The following CHST3 variants were observed in gnomAD, a reference collection of about 807,000 sequenced individuals.
CHST3 encodes the protein carbohydrate sulfotransferase 3.
CHST3 carries 20 observed loss-of-function variants against 35.4 expected under a neutral mutation model. The observed-to-expected ratio is 0.57, with a 90% CI of 0.40 to 0.82. The LOEUF (loss-of-function observed/expected upper bound fraction) is 0.82, where lower values mean the gene tolerates loss of function less well. CHST3 is among the 40% of genes least tolerant of loss of function. The probability of loss-of-function intolerance (pLI) is 0.00; values close to 1 mark genes in which losing one functional copy is unlikely to be tolerated. For missense variants in CHST3, 693 were observed against 670.1 expected, an observed-to-expected ratio of 1.03 and a Z score of -0.38; for synonymous variants, 334 against 295.9, an observed-to-expected ratio of 1.13 and a Z score of -1.32.
chr10:71,971,705 T>G (rs1175624946), intron 1 of CHST3, among the ~76,000 whole-genome samples: 1 of 152,216 alleles, frequency 6.6e-6, no homozygotes, highest in African/African-American at 2.4e-5. Context: ...GTGACTACAC[T>G]GATTTTCAGC....
intron 1 of CHST3, among the ~76,000 whole-genome samples, chr10:71,968,057 C>G (rs1161833843): frequency 6.6e-6 from 1 of 151,428 alleles, no homozygotes; most frequent in African/African-American, 2.4e-5. Flanking sequence ...ACCTCGTGAT[C>G]TGCTCACCTC....
Position 72,007,535 on chromosome 10 carries a change from C to A in CHST3, c.504C>A (p.Ile168=), listed in dbSNP as rs370284531. 1.9e-6 allele frequency: 3 copies of A among 1,604,986 alleles called. No individual in the cohort carries two copies. In the South Asian group the frequency reaches 3.3e-5, roughly 18 times the overall value. Residue 168 remains isoleucine, a synonymous_variant, in exon 3 of 3, where the codon ATC becomes ATA. Transcript: ENST00000373115. ...ACCTCTTCGAGCCGCTGTGGCACAT[C>A]GAGCGCACAGTGTCCTTCGAGCCGG... ...IFYLFEPLWH[I]ERTVSFEPGG... is the part of the protein sequence containing the mutation.
intron 1 of CHST3, among the ~76,000 whole-genome samples, chr10:71,977,660 CTTGA>C (rs1443994318): frequency 2.3e-5 from 3 of 128,720 alleles, no homozygotes; most frequent in Non-Finnish European, 5.6e-5. Context: ...CAGGCTGGAG[CTTGA>C]TTGTTTGTTT....
chr10:71,971,236 G>T (rs545177206), intron 1 of CHST3, among the ~76,000 whole-genome samples: 1 of 152,192 alleles, frequency 6.6e-6, no homozygotes, highest in African/African-American at 2.4e-5. Flanking sequence ...GGGGAGTGGG[G>T]CACTGCTGGA....
At chr10:71,965,626 C>G (rs539341765) in intron 1 of CHST3, among the ~76,000 whole-genome samples, 2 of 152,314 alleles carry the variant, frequency 1.3e-5, no homozygotes, top group East Asian at 3.9e-4. Context: ...CGTGGTGTTG[C>G]TGGGCCCCAG....
intron 1 of CHST3, among the ~76,000 whole-genome samples, chr10:71,995,884 GACACAGAGAC>G (rs1839934117): frequency 6.6e-6 from 1 of 152,092 alleles, no homozygotes; most frequent in Admixed American, 6.5e-5. Context: ...ACCAAAATGT[GACACAGAGAC>G]ACACAGAGAG....
intron 1 of CHST3, among the ~76,000 whole-genome samples, chr10:71,981,033 GTTC>G (rs145549742): frequency 0.01 from 1,594 of 152,264 alleles, 19 homozygotes; most frequent in African/African-American, 0.037. Context: ...TGAAAACACT[GTTC>G]TTCTAAAGGC....
chr10:71,998,771 C>T (rs1479544103), intron 1 of CHST3, among the ~76,000 whole-genome samples: 1 of 152,256 alleles, frequency 6.6e-6, no homozygotes, highest in East Asian at 1.9e-4. Flanking sequence ...TCTACTCAGT[C>T]TTGGCAGCAG....
chr10:71,991,603 C>G (rs942403252), intron 1 of CHST3, among the ~76,000 whole-genome samples: 21 of 152,162 alleles, frequency 1.4e-4, no homozygotes, highest in African/African-American at 4.1e-4. Flanking sequence ...TAAAGCAAAT[C>G]ACACAAATTT....
In CHST3 at chr10:72,007,532, C is replaced by G. The variant is rs760637097; in HGVS notation, c.501C>G (p.His167Gln). 1 of 1,604,836 alleles carries G rather than the reference C, an allele frequency of 6.2e-7. No individual in the cohort carries two copies. Among genetic ancestry groups the G allele is most frequent in the South Asian group, 1.1e-5 (1 of 91,040 alleles). ...NIFYLFEPLW[H>Q]IERTVSFEPG... ...TCTACCTCTTCGAGCCGCTGTGGCA[C>G]ATCGAGCGCACAGTGTCCTTCGAGC... Residue 167 changes from histidine to glutamine, a missense_variant, in exon 3 of 3, where the codon CAC becomes CAG. Physicochemically the swap from His to Gln is conservative, Grantham distance 24 (BLOSUM62 0). Transcript: ENST00000373115.
At position 72,012,846 on chromosome 10, in the gene CHST3, G is replaced by C. The variant is rs1221449459; in HGVS notation, c.*4375G>C. On this transcript the variant is annotated 3_prime_UTR_variant, in exon 3 of 3. Transcript: ENST00000373115. ...CACCTGTCAACTCGCTGCAGTTTCA[G>C]AGACAGTGGAAGCTGCTCTTTACCT... 1 of 152,274 alleles carries C rather than the reference G, an allele frequency of 6.6e-6. No homozygotes were observed. Among genetic ancestry groups the C allele is most frequent in the Non-Finnish European group, 1.5e-5 (1 of 68,054 alleles). The allele number at this position is 152,274 out of a possible 1,614,324, so 9.4% of individuals were successfully genotyped here.
At chr10:71,990,486 C>T (rs1839887979) in intron 1 of CHST3, among the ~76,000 whole-genome samples, 1 of 152,198 alleles carries the variant, frequency 6.6e-6, no homozygotes. Context: ...GCCTCAGCCT[C>T]CTGAGTAGCT....
chr10:71,990,054 G>C (rs893000842), intron 1 of CHST3, among the ~76,000 whole-genome samples: 8 of 152,092 alleles, frequency 5.3e-5, no homozygotes, highest in African/African-American at 1.7e-4. Context: ...AATTATAATC[G>C]ATTTATTGTT....
chr10:71,972,491 C>T (rs2131738725), intron 1 of CHST3, among the ~76,000 whole-genome samples: 1 of 152,304 alleles, frequency 6.6e-6, no homozygotes, highest in Admixed American at 6.5e-5. Flanking sequence ...GATCCTGCCT[C>T]AGGGTCTTTT....
At chr10:71,986,417 A>G (rs901565051) in intron 1 of CHST3, among the ~76,000 whole-genome samples, 2 of 152,226 alleles carry the variant, frequency 1.3e-5, no homozygotes, top group Non-Finnish European at 2.9e-5. Context: ...CCAGTCCTCT[A>G]AAACAGCCGC....
chr10:71,973,900 G>T (rs1336119921), intron 1 of CHST3, among the ~76,000 whole-genome samples: 1 of 152,316 alleles, frequency 6.6e-6, no homozygotes, highest in East Asian at 1.9e-4. Flanking sequence ...AAATGTATAG[G>T]ATACACGAGG....
intron 1 of CHST3, among the ~76,000 whole-genome samples, chr10:72,002,380 G>A (rs1840002437): frequency 6.6e-6 from 1 of 152,188 alleles, no homozygotes; most frequent in Middle Eastern, 3.2e-3. Context: ...CCTTACCAAG[G>A]TGCCAGGCCC....
chr10:71,993,522 G>T (rs1193300495), intron 1 of CHST3, among the ~76,000 whole-genome samples: 1 of 152,128 alleles, frequency 6.6e-6, no homozygotes, highest in Non-Finnish European at 1.5e-5. Context: ...TATTCATGTT[G>T]ATATTTTCAC....
chr10:72,007,101 G>C (rs1047318128), intron 2 of CHST3, 71 bp from the exon 3 acceptor site: 2 of 1,546,616 alleles, frequency 1.3e-6, no homozygotes, highest in Non-Finnish European at 1.8e-6. Context: ...CTGCTTGGAG[G>C]ACTGCTTAGG....
Sources: gnomAD v4.1 joint callset for allele counts (sites outside exome capture counted in the v4.1 genomes callset) on GRCh38, gnomAD v4.1.1 for gene constraint, MANE v1.5 for transcripts, NCBI Gene and HGNC (gene_info 2026-07-23, HGNC 2026-07-21) for gene names.